Variants in TTN observed in about 807,000 individuals in gnomAD.
TTN encodes the protein connectin.
In TTN, 1,525 loss-of-function variants were observed where a neutral mutation model predicts 3,223.0. The observed-to-expected ratio is 0.47, with a 90% CI of 0.45 to 0.49. TTN has a LOEUF of 0.49. Among genes scored for constraint, TTN ranks in the 20% least tolerant of loss-of-function variants. The pLI is 0.00. For synonymous variants in TTN, 14,094 were observed against 15,161.0 expected (o/e 0.93, Z 5.17); for missense variants, 40,786 against 43,424.0 (o/e 0.94, Z 5.40).
chr2:178,573,105 C>A lies in TTN; in HGVS notation c.73027G>T (p.Ala24343Ser), dbSNP rs72646895. Residue 24343 changes from alanine (A) to serine (S), a missense_variant, in exon 326 of 363, where the codon GCT (alanine) becomes TCT (serine). By Grantham distance (99) the Ala-to-Ser change is moderately conservative. Coordinates refer to ENST00000589042, the MANE Select transcript of TTN (RefSeq NM_001267550.2). ...CCATCATAGATAGGTTTATTCCAAG[C>A]GATTGAAATGGATGATCTGCTTGTA... is the stretch of plus-strand genomic sequence containing the variant. Reference protein sequence around the residue: ...LDTSRSSISIAWNKPIYDGGS... With the variant: ...LDTSRSSISISWNKPIYDGGS... 1.2e-6 allele frequency: 2 copies of A among 1,613,192 alleles called. No individual in the cohort carries two copies. Among genetic ancestry groups the A allele is most frequent in the East Asian group, 2.2e-5 (1 of 44,704 alleles).
At position 178,561,147 on chromosome 2, in the gene TTN, C is replaced by T. The variant is rs1330177891; in HGVS notation, c.84985G>A (p.Ala28329Thr). The change falls in exon 326 of 363, where the codon GCA becomes ACA. Residue 28329 changes from alanine (A) to threonine (T), a missense_variant. Physicochemically the swap from Ala to Thr is moderately conservative, Grantham distance 58. Coordinates refer to ENST00000589042, the MANE Select transcript of TTN (RefSeq NM_001267550.2). ...CTAACTGAGTCAGCAGCATTCCTTG[C>T]AAAAACCCGGAATTCATAACGCTGA... ...EDQRYEFRVF[A>T]RNAADSVSEP... 1 of 1,613,596 alleles carries T rather than the reference C, an allele frequency of 6.2e-7. No individual in the cohort carries two copies. The highest frequency in any genetic ancestry group is 8.5e-7 in the Non-Finnish European group (1 of 1,179,806).
chr2:178,797,089 A>G (rs887169035), intron 6 of TTN, among the ~76,000 whole-genome samples: 2 of 152,172 alleles, frequency 1.3e-5, no homozygotes, highest in African/African-American at 4.8e-5. Context: ...GATGGTCAAA[A>G]TGCTCCATGG....
chr2:178,595,494 T>C lies in TTN; in HGVS notation c.57847+13A>G. Reference sequence around the variant, plus strand: ...AGAAGTGATTAAGTATACATTTTTTTTTTTTTACTTACTTATTGGCTCTCT... The same window carrying C: ...AGAAGTGATTAAGTATACATTTTTTCTTTTTTACTTACTTATTGGCTCTCT... On this transcript the variant is annotated intron_variant, in intron 295 of 362. Transcript: ENST00000589042. 1 of 1,545,038 alleles carries C rather than the reference T, an allele frequency of 6.5e-7. No homozygotes were observed. Among genetic ancestry groups the C allele is most frequent in the Non-Finnish European group, 8.7e-7 (1 of 1,144,922 alleles).
intron 308 of TTN, 100 bp downstream of exon 308, chr2:178,586,405 A>C: frequency 6.9e-7 from 1 of 1,440,072 alleles, no homozygotes; most frequent in South Asian, 1.3e-5. Flanking sequence ...GTTTTTCAAG[A>C]ATTTCTAGAG....
In TTN at chr2:178,532,423, T is replaced by C. The variant is rs397517789; in HGVS notation, c.104192A>G (p.Tyr34731Cys). Residue 34731 changes from tyrosine to cysteine, a missense_variant, in exon 358 of 363, where the codon TAT (tyrosine) becomes TGT (cysteine). Coordinates refer to ENST00000589042, the MANE Select transcript of TTN (RefSeq NM_001267550.2). ...AGCTTCAGCCTTCGTTGGGATGTGA[T>C]AGGTTGAATACCTGAAGTCTTTTCT... The part of the protein sequence containing the change: ...ETRKDFRYST[Y>C]HIPTKAEAST... 29 of 1,613,908 alleles carry C rather than the reference T, an allele frequency of 1.8e-5. No individual in the cohort carries two copies. The South Asian group carries it at 2.2e-4, about 12-fold the overall frequency.
chr2:178,674,346 A>G lies in TTN; in HGVS notation c.34676T>C (p.Ile11559Thr). The change falls in exon 151 of 363, where the codon ATA (isoleucine) becomes ACA (threonine). Residue 11559 changes from isoleucine (I) to threonine (T), a missense_variant. Transcript: ENST00000589042. ...EEEIPEEPPS[I>T]EEVEEVAPPR... ...TGGTGCCACCTCTTCAACTTCCTCTATGCTAGGTGGTTCTTCTGGGATTTC... is the reference window on the plus strand; with the variant it reads ...TGGTGCCACCTCTTCAACTTCCTCTGTGCTAGGTGGTTCTTCTGGGATTTC... 1.3e-6 allele frequency: 2 copies of G among 1,598,684 alleles called. No homozygotes were observed. Among genetic ancestry groups the G allele is most frequent in the Middle Eastern group, 1.7e-4 (1 of 6,030 alleles).
intron 163 of TTN, 55 bp downstream of exon 163, chr2:178,666,769 G>C: frequency 7.0e-7 from 1 of 1,429,978 alleles, no homozygotes; most frequent in Non-Finnish European, 9.4e-7. Flanking sequence ...TTTTACATGT[G>C]TTAAGTACAA....
chr2:178,572,912 A>T lies in TTN; in HGVS notation c.73220T>A (p.Leu24407His), dbSNP rs72646896. The change falls in exon 326 of 363, where the codon CTT becomes CAT. Residue 24407 changes from leucine to histidine, a missense_variant. Leu to His is a moderately conservative substitution (Grantham distance 99). Coordinates refer to ENST00000589042, the MANE Select transcript of TTN (RefSeq NM_001267550.2). ...TCCAGGAACAAGGGCAGGTTCCCCA[A>T]GTCCTTCGGAATTCATGGCATAGAT... The part of the protein sequence containing the change: ...IRIYAMNSEG[L>H]GEPALVPGTP... 1.9e-6 allele frequency: 3 copies of T among 1,613,376 alleles called. No individual in the cohort carries two copies. The highest frequency in any genetic ancestry group is 2.5e-6 in the Non-Finnish European group (3 of 1,179,596).
rs2291302 is a variant in TTN at position 178,779,159 on chromosome 2, A to G, written c.3964-41T>C. 1,577,135 of 1,612,866 alleles carry G rather than the reference A, an allele frequency of 0.98. 772,111 individuals carry two copies. Among genetic ancestry groups the G allele is most frequent in the Non-Finnish European group, 0.99 (1,170,441 of 1,179,738 alleles). On this transcript the variant is annotated intron_variant, in intron 23 of 362. Transcript: ENST00000589042. ...TGCATGTATGAATAAAATTTACATC[A>G]AATAGTTATATTTTAACCAATTTGT... is the stretch of plus-strand genomic sequence containing the variant.
chr2:178,758,881 G>A (rs2088140048), intron 44 of TTN, 103 bp downstream of exon 44: 4 of 1,202,730 alleles, frequency 3.3e-6, no homozygotes, highest in Non-Finnish European at 4.9e-6. Context: ...GAAGAGAATG[G>A]TAGGAACAAC....
chr2:178,720,094 T>C lies in TTN; in HGVS notation c.23548A>G (p.Ile7850Val). 1.2e-6 allele frequency: 2 copies of C among 1,613,772 alleles called. No individual in the cohort carries two copies. Among genetic ancestry groups the C allele is most frequent in the Non-Finnish European group, 1.7e-6 (2 of 1,179,716 alleles). Reference protein sequence around the residue: ...ENTRISFIDNIATLQLGSPEA... With the variant: ...ENTRISFIDNVATLQLGSPEA... ...GGACTCCCCAGCTGGAGGGTTGCAA[T>C]GTTATCAATGAATGAAATCCTGGTA... Residue 7850 changes from isoleucine to valine, a missense_variant, in exon 81 of 363, where the codon ATT becomes GTT. By Grantham distance (29) the Ile-to-Val change is conservative. Transcript: ENST00000589042.
Position 178,535,580 on chromosome 2 carries a change from G to C in TTN, c.101035C>G (p.Gln33679Glu), listed in dbSNP as rs561471402. 1 of 1,613,818 alleles carries C rather than the reference G, an allele frequency of 6.2e-7. No homozygotes were observed. Among genetic ancestry groups the C allele is most frequent in the South Asian group, 1.1e-5 (1 of 91,074 alleles). ...VCAKNRFGIDQKTVELDVADV... is the reference protein window; with the variant it reads ...VCAKNRFGIDEKTVELDVADV... ...GCCACATCCAGTTCAACTGTCTTCT[G>C]ATCAATTCCAAATCTGTTTTTAGCA... is the stretch of plus-strand genomic sequence containing the variant. Residue 33679 changes from glutamine (Q) to glutamate (E), a missense_variant, in exon 358 of 363, where the codon CAG becomes GAG. Physicochemically the swap from Gln to Glu is conservative, Grantham distance 29. Coordinates refer to ENST00000589042, the MANE Select transcript of TTN (RefSeq NM_001267550.2).
At chr2:178,764,489 G>T (rs753143142) in intron 42 of TTN, 38 bp downstream of exon 42, 1 of 1,613,406 alleles carries the variant, frequency 6.2e-7, no homozygotes, top group South Asian at 1.1e-5. Context: ...CTGCTTCTTA[G>T]GTTTTATTTT....
At chr2:178,638,438 T>G (rs879788890) in intron 223 of TTN, among the ~76,000 whole-genome samples, 1 of 151,488 alleles carries the variant, frequency 6.6e-6, no homozygotes, top group African/African-American at 2.4e-5. Context: ...AGCCAATTTT[T>G]ATTATTAGGT....
chr2:178,668,064 T>C (rs2066290732), intron 159 of TTN, among the ~76,000 whole-genome samples: 1 of 152,186 alleles, frequency 6.6e-6, no homozygotes, highest in South Asian at 2.1e-4. Flanking sequence ...GATGCTGAAT[T>C]GCACATTGAG....
At position 178,663,627 on chromosome 2, in the gene TTN, C is replaced by T. The variant is rs1664222065; in HGVS notation, c.36532G>A (p.Val12178Met). Residue 12178 changes from valine to methionine, a missense_variant and splice_region_variant, in exon 171 of 363, where the codon GTG (valine) becomes ATG (methionine). Transcript: ENST00000589042. The part of the protein sequence containing the change: ...PKEPEVPPVK[V>M]PEAPKEVVPE... ...GAAGCCTAAAATCAGTGACAAATAC[C>T]TTTAACAGGTGGGACTTCAGGCTCT... 6.2e-6 allele frequency: 10 copies of T among 1,613,588 alleles called. No individual in the cohort carries two copies. Among genetic ancestry groups the T allele is most frequent in the African/African-American group, 4.0e-5 (3 of 74,900 alleles).
intron 206 of TTN, 61 bp downstream of exon 206, chr2:178,651,605 A>T: frequency 6.2e-7 from 1 of 1,611,968 alleles, no homozygotes; most frequent in Non-Finnish European, 8.5e-7. Context: ...GAAGCAGAAC[A>T]GTAGAATATG....
intron 47 of TTN, chr2:178,751,498 G>GTCAA: frequency 6.2e-7 from 1 of 1,613,310 alleles, no homozygotes; most frequent in Non-Finnish European, 8.5e-7. Context: ...TAAACCTCAG[G>GTCAA]TCAACCTTTA....
At chr2:178,651,096 A>T (rs1353548541) in intron 208 of TTN, 147 bp downstream of exon 208, 1 of 705,504 alleles carries the variant, frequency 1.4e-6, no homozygotes, top group Non-Finnish European at 2.4e-6. Flanking sequence ...TGAAAAAATT[A>T]TTAAAAAGTA....
Sources: allele counts gnomAD v4.1 joint callset (sites outside exome capture counted in the v4.1 genomes callset), GRCh38; gene constraint gnomAD v4.1.1; transcripts MANE v1.5; gene names NCBI Gene and HGNC (gene_info 2026-07-23, HGNC 2026-07-21).